Variants in MCM3AP observed in about 807,000 individuals in gnomAD.
The protein encoded by MCM3AP is minichromosome maintenance complex component 3 associated protein, also known as germinal-center associated nuclear protein.
MCM3AP carries 126 observed loss-of-function variants against 184.1 expected under a neutral mutation model. The observed-to-expected ratio is 0.68, with a 90% CI of 0.59 to 0.79. MCM3AP has a LOEUF of 0.79. Among genes scored for constraint, MCM3AP ranks in the 30% least tolerant of loss-of-function variants. MCM3AP has a pLI of 0.00. For synonymous variants in MCM3AP, 1,002 were observed against 979.3 expected (o/e 1.02, Z -0.43); for missense variants, 2,496 against 2,479.2 (o/e 1.01, Z -0.14).
In MCM3AP at chr21:46,272,154, CA is replaced by C. The variant is rs370144857; in HGVS notation, c.2465+406del. 4.1e-3 allele frequency among the ~76,000 whole-genome samples: 619 copies of C among 152,218 alleles called. 5 individuals are homozygous for C. The highest frequency in any genetic ancestry group is 0.014 in the African/African-American group (583 of 41,550). Reference sequence around the variant, plus strand: ...CCCCATTCTTCGCATTTTTGTTTTACATAATTTTTTCCTCTCTTATTCTGAG... The same window carrying C: ...CCCCATTCTTCGCATTTTTGTTTTACTAATTTTTTCCTCTCTTATTCTGAG... On this transcript the variant is annotated intron_variant, in intron 8 of 27. Coordinates refer to ENST00000291688, the MANE Select transcript of MCM3AP (RefSeq NM_003906.5).
At position 46,251,483 on chromosome 21, in the gene MCM3AP, A is replaced by C. The variant is rs775954823; in HGVS notation, c.4290+46T>G. 4.0e-6 allele frequency: 6 copies of C among 1,506,258 alleles called. No individual in the cohort carries two copies. The South Asian group carries it at 5.9e-5, about 15-fold the overall frequency. 93.3% of individuals were successfully genotyped at this position (1,506,258 alleles called of 1,614,324 possible). A position where few individuals can be genotyped will look rare whatever the true frequency, so the allele number is the denominator to read the frequency against. On this transcript the variant is annotated intron_variant, in intron 20 of 27. Transcript: ENST00000291688. ...TTCCAGTGATATCTGGGAGTAAGTG[A>C]AAGTAATGAAAACACAGAAGTAAAC...
At chr21:46,268,315 A>T (rs1569073903) in intron 9 of MCM3AP, among the ~76,000 whole-genome samples, 1 of 152,210 alleles carries the variant, frequency 6.6e-6, no homozygotes, top group Non-Finnish European at 1.5e-5. Context: ...TCCTCTTCCG[A>T]TGTTCTTTAA....
At chr21:46,235,503 C>T (rs2080505898) in intron 27 of MCM3AP, 77 bp from the exon 28 acceptor site, 2 of 1,283,158 alleles carry the variant, frequency 1.6e-6, no homozygotes, top group Non-Finnish European at 2.2e-6. Flanking sequence ...GGTACTAGAT[C>T]TGGATCATGT....
rs1258101522 is a variant in MCM3AP at position 46,240,918 on chromosome 21, C to T, written c.5526G>A (p.Glu1842=). 10 of 1,614,070 alleles carry T rather than the reference C, an allele frequency of 6.2e-6. No homozygotes were observed. Among genetic ancestry groups the T allele is most frequent in the Non-Finnish European group, 7.6e-6 (9 of 1,180,000 alleles). The change falls in exon 26 of 28, where the codon GAG becomes GAA. Residue 1842 remains glutamate, a synonymous_variant. Transcript: ENST00000291688. ...GATCCTCTGTGCTGGGAATCCTCCC[C>T]TCTTGAGCACACTCTGTGCTCCTCT... ...NWKRSTECAQ[E]GRIPSTEDLM...
rs372224273 is a variant in MCM3AP, at chr21:46,243,720, G to A, written c.5041C>T (p.Pro1681Ser). Reference protein sequence around the residue: ...PQMDLPPLGAPWLPVCSMVVQ... With the variant: ...PQMDLPPLGASWLPVCSMVVQ... Reference sequence around the variant, plus strand: ...ACCATGGAGCACACGGGGAGCCAGGGGGCTGGGGAGAAAGTGCCTCATTAG... The same window carrying A: ...ACCATGGAGCACACGGGGAGCCAGGAGGCTGGGGAGAAAGTGCCTCATTAG... Residue 1681 changes from proline to serine, a missense_variant and splice_region_variant, in exon 24 of 28, where the codon CCC becomes TCC. This residue lies in a region of MCM3AP where 1,323 missense variants were observed against 1,273.4 expected (regional missense o/e 1.04). Transcript: ENST00000291688. The A allele has an allele frequency of 5.0e-6, 8 of 1,613,442 alleles. No homozygotes were observed. The African/African-American group carries it at 1.1e-4, about 22-fold the overall frequency.
intron 11 of MCM3AP, 116 bp from the exon 12 acceptor site, chr21:46,265,639 G>A: frequency 2.3e-6 from 2 of 876,286 alleles, no homozygotes; most frequent in Non-Finnish European, 3.4e-6. Context: ...CTGAGGACTG[G>A]CCTGCCCTCC....
intron 17 of MCM3AP, chr21:46,256,497 C>A (rs1282304929): frequency 2.3e-6 from 1 of 440,102 alleles, no homozygotes; most frequent in Non-Finnish European, 4.1e-6. Flanking sequence ...TAAACTGGGA[C>A]GAGCAGGAAA....
intron 23 of MCM3AP, 61 bp from the exon 24 acceptor site, chr21:46,243,783 G>A: frequency 6.5e-7 from 1 of 1,543,880 alleles, no homozygotes; most frequent in Non-Finnish European, 8.8e-7. Context: ...AAATGTACAT[G>A]AAAACATTTT....
chr21:46,285,506 GTTA>G lies in MCM3AP; in HGVS notation c.-223_-221del, dbSNP rs752893811. The G allele has an allele frequency of 1.5e-5, 8 of 540,050 alleles. No homozygotes were observed. The highest frequency in any genetic ancestry group is 4.8e-4 in the Middle Eastern group (1 of 2,070). The allele number at this position is 540,050 out of a possible 1,614,324, so 33.5% of individuals were successfully genotyped here. ...TAACTATTTCAAAGGCAGGCAAAGG[GTTA>G]TTATTTTCTGAGAGCCGATAGGTTA... On this transcript the variant is annotated 5_prime_UTR_variant, in exon 1 of 28. Transcript: ENST00000291688.
Position 46,280,488 on chromosome 21 carries a change from A to G in MCM3AP, c.1522+9T>C. 1 of 1,581,566 alleles carries G rather than the reference A, an allele frequency of 6.3e-7. No homozygotes were observed. The highest frequency in any genetic ancestry group is 8.6e-7 in the Non-Finnish European group (1 of 1,157,148). ...TTTTAAAAAGTGAAAAGAATAATTG[A>G]AAACTCACTTATTTTCTTCCTGTGC... is the stretch of plus-strand genomic sequence containing the variant. On this transcript the variant is annotated intron_variant, in intron 3 of 27. Coordinates refer to ENST00000291688, the MANE Select transcript of MCM3AP (RefSeq NM_003906.5).
chr21:46,235,284 T>C lies in MCM3AP; in HGVS notation c.5927A>G (p.Asp1976Gly). ...ASELHLSALL[D>G]MVDI ...TCAGGCTGCTCAAATGTCCACCATG[T>C]CTAGCAGCGCAGAGAGATGGAGCTC... Residue 1976 changes from aspartate to glycine, a missense_variant, in exon 28 of 28, where the codon GAC becomes GGC. By Grantham distance (94) the Asp-to-Gly change is moderately conservative. Around this residue, in one of 5 missense-constraint regions of MCM3AP, gnomAD observed 1,323 missense variants for 1,273.4 expected, o/e 1.04. Transcript: ENST00000291688. 6.2e-7 allele frequency: 1 copy of C among 1,614,218 alleles called. No homozygotes were observed. Among genetic ancestry groups the C allele is most frequent in the Non-Finnish European group, 8.5e-7 (1 of 1,180,030 alleles).
At chr21:46,278,393 G>A (rs1203650051) in intron 4 of MCM3AP, among the ~76,000 whole-genome samples, 2 of 152,186 alleles carry the variant, frequency 1.3e-5, no homozygotes, top group Non-Finnish European at 2.9e-5. Flanking sequence ...GAACTTGAAT[G>A]TCAAAGATTA....
rs2081212250 is a variant in MCM3AP, at chr21:46,273,483, T to C, written c.2101A>G (p.Met701Val). Residue 701 changes from methionine to valine, a missense_variant, in exon 7 of 28, where the codon ATG becomes GTG. Met to Val is a conservative substitution (Grantham distance 21). This residue lies in a region of MCM3AP where 130 missense variants were observed against 199.8 expected (regional missense o/e 0.65). Coordinates refer to ENST00000291688, the MANE Select transcript of MCM3AP (RefSeq NM_003906.5). Reference sequence around the variant, plus strand: ...ATGATCTGGGTCACCAGGTAGTCCATGGTCCTGCTGAGCACTGGCAAGGGC... The same window carrying C: ...ATGATCTGGGTCACCAGGTAGTCCACGGTCCTGCTGAGCACTGGCAAGGGC... Reference protein sequence around the residue: ...LRPLPVLSRTMDYLVTQIMDQ... With the variant: ...LRPLPVLSRTVDYLVTQIMDQ... 4 of 1,613,958 alleles carry C rather than the reference T, an allele frequency of 2.5e-6. No homozygotes were observed. Among genetic ancestry groups the C allele is most frequent in the Non-Finnish European group, 1.7e-6 (2 of 1,179,864 alleles).
At chr21:46,285,849 C>G (rs1165247510), upstream of MCM3AP, 3 of 152,508 alleles carry the variant, frequency 2.0e-5, no homozygotes. Context: ...TTCTCACATT[C>G]CTTCATCGCG....
intron 9 of MCM3AP, among the ~76,000 whole-genome samples, chr21:46,268,947 A>C (rs934592620): frequency 1.3e-5 from 2 of 152,014 alleles, no homozygotes; most frequent in African/African-American, 2.4e-5. Flanking sequence ...CTCAGGCAGG[A>C]GAATCACTTG....
intron 16 of MCM3AP, 69 bp downstream of exon 16, chr21:46,258,870 A>C: frequency 6.5e-7 from 1 of 1,534,288 alleles, no homozygotes; most frequent in African/African-American, 1.4e-5. Flanking sequence ...AATAGCTCAT[A>C]TATTTTGAAT....
chr21:46,265,305 A>G lies in MCM3AP; in HGVS notation c.3234+16T>C, dbSNP rs2081095249. On this transcript the variant is annotated intron_variant, in intron 12 of 27. Coordinates refer to ENST00000291688, the MANE Select transcript of MCM3AP (RefSeq NM_003906.5). ...GGGCTTCCCAGAGTCCAGACCTAGA[A>G]AAAAAGAGTCCCTACCTCGTCAGAG... is the stretch of plus-strand genomic sequence containing the variant. 1.9e-6 allele frequency: 3 copies of G among 1,612,854 alleles called. No homozygotes were observed. The highest frequency in any genetic ancestry group is 2.5e-6 in the Non-Finnish European group (3 of 1,179,406).
chr21:46,270,863 T>C (rs1162521557), intron 8 of MCM3AP, among the ~76,000 whole-genome samples: 2 of 152,178 alleles, frequency 1.3e-5, no homozygotes, highest in Admixed American at 6.5e-5. Flanking sequence ...TGGTGAAATG[T>C]GCCGTTAAAT....
chr21:46,265,340 A>T lies in MCM3AP; in HGVS notation c.3215T>A (p.Val1072Glu). 1 of 1,613,980 alleles carries T rather than the reference A, an allele frequency of 6.2e-7. No individual in the cohort carries two copies. Residue 1072 changes from valine to glutamate, a missense_variant, in exon 12 of 28, where the codon GTG (valine) becomes GAG (glutamate). Coordinates refer to ENST00000291688, the MANE Select transcript of MCM3AP (RefSeq NM_003906.5). The stretch of plus-strand genomic sequence containing the variant: ...CCCTACCTCGTCAGAGTACATGGGC[A>T]CGGGCTCTGGAGGCGGTGGTTCAGG... ...VQPEPPPPEP[V>E]PMYSDEDLAQ...
Sources: gnomAD v4.1 joint callset for allele counts (sites outside exome capture counted in the v4.1 genomes callset) on GRCh38, gnomAD v4.1.1 for gene constraint, gnomAD v4.1.1 regional missense constraint, MANE v1.5 for transcripts, NCBI Gene and HGNC (gene_info 2026-07-23, HGNC 2026-07-21) for gene names.